The following CCSER1 variants were observed in gnomAD, a reference collection of about 807,000 sequenced individuals.
CCSER1 encodes the protein serine-rich coiled-coil domain-containing protein 1.
CCSER1 carries 41 observed loss-of-function variants against 82.0 expected under a neutral mutation model. The observed-to-expected ratio is 0.50, with a 90% confidence interval of 0.39 to 0.65. The LOEUF (loss-of-function observed/expected upper bound fraction) is 0.65. Ranked by LOEUF, CCSER1 falls within the 30% of genes least tolerant of loss-of-function variation. CCSER1 has a pLI of 0.00. For synonymous variants in CCSER1, 414 were observed against 383.9 expected, an observed-to-expected ratio of 1.08 and a Z score of -0.92; for missense variants, 1,119 against 1,064.2, an observed-to-expected ratio of 1.05 and a Z score of -0.72.
At chr4:90,385,627 T>C (rs1419247954) in intron 3 of CCSER1, among the ~76,000 whole-genome samples, 3 of 151,818 alleles carry the variant, frequency 2.0e-5, no homozygotes, top group Admixed American at 1.3e-4. Flanking sequence ...ACCTGGCTAA[T>C]TTTTTGTATT....
At chr4:90,772,561 C>G (rs1752340923) in intron 7 of CCSER1, among the ~76,000 whole-genome samples, 1 of 152,122 alleles carries the variant, frequency 6.6e-6, no homozygotes, top group South Asian at 2.1e-4. Context: ...ATATATCAGT[C>G]AATCACCAGA....
chr4:91,038,352 T>A (rs1221909704), intron 9 of CCSER1, among the ~76,000 whole-genome samples: 1 of 151,926 alleles, frequency 6.6e-6, no homozygotes, highest in East Asian at 1.9e-4. Context: ...TTGAAAAAAA[T>A]ATATAATTAA....
chr4:90,631,139 C>T (rs190718903), intron 6 of CCSER1, among the ~76,000 whole-genome samples: 2,162 of 152,078 alleles, frequency 0.014, 24 homozygotes, highest in Non-Finnish European at 0.023. Flanking sequence ...GTGATCCGCC[C>T]GCCTAGGCCT....
At chr4:90,540,348 A>G (rs531327167) in intron 5 of CCSER1, among the ~76,000 whole-genome samples, 140 of 152,226 alleles carry the variant, frequency 9.2e-4, no homozygotes, top group African/African-American at 3.1e-3. Flanking sequence ...TTGTGTGGAT[A>G]CAGAGAAATA....
At chr4:90,298,199 A>C (rs911021019) in intron 1 of CCSER1, among the ~76,000 whole-genome samples, 2 of 152,034 alleles carry the variant, frequency 1.3e-5, no homozygotes, top group African/African-American at 4.8e-5. Flanking sequence ...CAGAGATTCA[A>C]CTTCTTCCTG....
At chr4:90,634,919 T>G (rs116426365) in intron 6 of CCSER1, among the ~76,000 whole-genome samples, 376 of 151,902 alleles carry the variant, frequency 2.5e-3, no homozygotes, top group African/African-American at 8.8e-3. Context: ...GGCAGAAAGT[T>G]AGAGTGACTA....
At chr4:91,377,137 T>A (rs1319608351) in intron 10 of CCSER1, among the ~76,000 whole-genome samples, 1 of 152,224 alleles carries the variant, frequency 6.6e-6, no homozygotes, top group Middle Eastern at 3.2e-3. Flanking sequence ...ATTTTCTTAA[T>A]CCAGTCTATC....
At chr4:90,602,366 T>G (rs1384438650) in intron 5 of CCSER1, among the ~76,000 whole-genome samples, 1 of 152,150 alleles carries the variant, frequency 6.6e-6, no homozygotes, top group East Asian at 1.9e-4. Flanking sequence ...ATATATCACC[T>G]TTCATTATTT....
At chr4:91,219,443 G>T (rs1737560116) in intron 10 of CCSER1, among the ~76,000 whole-genome samples, 1 of 149,910 alleles carries the variant, frequency 6.7e-6, no homozygotes, top group Non-Finnish European at 1.5e-5. Context: ...CTCTCAAATA[G>T]CTGGGTCTGC....
At chr4:90,340,601 C>T (rs559822594) in intron 3 of CCSER1, among the ~76,000 whole-genome samples, 38 of 152,112 alleles carry the variant, frequency 2.5e-4, no homozygotes, top group Non-Finnish European at 5.3e-4. Context: ...ATCTATGGAG[C>T]ATATTGCATA....
intron 10 of CCSER1, among the ~76,000 whole-genome samples, chr4:91,130,832 A>G (rs1362818944): frequency 6.6e-6 from 1 of 151,846 alleles, no homozygotes; most frequent in Non-Finnish European, 1.5e-5. Context: ...AGATCTGTAC[A>G]TAAGACAAAT....
intron 7 of CCSER1, among the ~76,000 whole-genome samples, chr4:90,807,870 A>AT (rs1422727663): frequency 6.6e-6 from 1 of 152,088 alleles, no homozygotes; most frequent in Non-Finnish European, 1.5e-5. Context: ...CCCCAACGTC[A>AT]TTTTTTGCAG....
intron 9 of CCSER1, among the ~76,000 whole-genome samples, chr4:91,025,751 A>G (rs1740434452): frequency 6.6e-6 from 1 of 152,026 alleles, no homozygotes. Flanking sequence ...GTGGAACCCA[A>G]ATTGTGTTTT....
chr4:90,263,295 G>C (rs946805803), intron 1 of CCSER1, among the ~76,000 whole-genome samples: 3 of 152,168 alleles, frequency 2.0e-5, no homozygotes, highest in African/African-American at 7.2e-5. Context: ...GCCACCCAGT[G>C]GGGCTGCCAC....
chr4:90,519,916 T>TGAA (rs1378935329), intron 5 of CCSER1, among the ~76,000 whole-genome samples: 1 of 152,076 alleles, frequency 6.6e-6, no homozygotes, highest in African/African-American at 2.4e-5. Context: ...CGGTTTTCTT[T>TGAA]GAAGTGAAAA....
At chr4:91,593,160 A>G (rs986189521) in intron 10 of CCSER1, among the ~76,000 whole-genome samples, 2 of 152,174 alleles carry the variant, frequency 1.3e-5, no homozygotes, top group African/African-American at 4.8e-5. Context: ...AGTTTTTAAT[A>G]TAATAGAATC....
intron 1 of CCSER1, among the ~76,000 whole-genome samples, chr4:90,234,777 TAGAG>T (rs756926107): frequency 7.2e-5 from 11 of 152,206 alleles, no homozygotes; most frequent in Admixed American, 1.3e-4. Flanking sequence ...ATTTGAGGCA[TAGAG>T]AGGTTAAATT....
chr4:91,575,809 C>T (rs1333819950), intron 10 of CCSER1, among the ~76,000 whole-genome samples: 3 of 151,536 alleles, frequency 2.0e-5, no homozygotes, highest in Non-Finnish European at 4.4e-5. Context: ...TAAAATACCT[C>T]GAACATTTTA....
At chr4:90,291,025 A>G (rs954835130) in intron 1 of CCSER1, among the ~76,000 whole-genome samples, 5 of 133,444 alleles carry the variant, frequency 3.7e-5, no homozygotes, top group East Asian at 2.0e-4. Context: ...TTTATCTGAT[A>G]GGAATAATTA....
Sources: allele counts gnomAD v4.1 joint callset (sites outside exome capture counted in the v4.1 genomes callset), GRCh38; gene constraint gnomAD v4.1.1; transcripts MANE v1.5; gene names NCBI Gene and HGNC (gene_info 2026-07-23, HGNC 2026-07-21).